Variants in LRRC1 observed in about 807,000 individuals in gnomAD.
The protein encoded by LRRC1 is leucine rich repeat containing 1.
LRRC1 carries 28 observed loss-of-function variants against 69.9 expected under a neutral mutation model. That is an observed-to-expected ratio of 0.40 (90% CI 0.30 to 0.55). LRRC1 has a LOEUF of 0.55. Among genes scored for constraint, LRRC1 ranks in the 20% least tolerant of loss-of-function variants. The pLI is 0.47. For missense variants in LRRC1, 498 were observed against 609.0 expected (o/e 0.82, Z 1.92); for synonymous variants, 236 against 240.2 (o/e 0.98, Z 0.16).
chr6:53,922,001 T>TA (rs1768755551), intron 13 of LRRC1, among the ~76,000 whole-genome samples: 1 of 152,246 alleles, frequency 6.6e-6, no homozygotes, highest in African/African-American at 2.4e-5. Context: ...CATGCTGTTT[T>TA]ATGAGCTAAA....
At chr6:53,828,979 A>G (rs1197092396) in intron 1 of LRRC1, among the ~76,000 whole-genome samples, 1 of 152,224 alleles carries the variant, frequency 6.6e-6, no homozygotes, top group Non-Finnish European at 1.5e-5. Context: ...TAATAGTAAT[A>G]ATTAAGGCTA....
chr6:53,919,335 C>A, intron 11 of LRRC1, 163 bp from the exon 12 acceptor site: 1 of 411,738 alleles, frequency 2.4e-6, no homozygotes, highest in Non-Finnish European at 4.0e-6. Flanking sequence ...AATCCACTTG[C>A]AAAGAGTATG....
At chr6:53,848,916 C>T (rs1026318552) in intron 2 of LRRC1, among the ~76,000 whole-genome samples, 1 of 152,096 alleles carries the variant, frequency 6.6e-6, no homozygotes, top group African/African-American at 2.4e-5. Flanking sequence ...TGCCACCAAG[C>T]CCGGCTAATT....
intron 2 of LRRC1, among the ~76,000 whole-genome samples, chr6:53,844,975 C>T (rs559845366): frequency 2.0e-5 from 3 of 152,206 alleles, no homozygotes; most frequent in South Asian, 2.1e-4. Context: ...GAGGCCAAGG[C>T]GGGGGGATCA....
At chr6:53,897,099 G>A in intron 6 of LRRC1, among the ~76,000 whole-genome samples, 186 bp from the exon 7 acceptor site, 1 of 152,290 alleles carries the variant, frequency 6.6e-6, no homozygotes, top group Non-Finnish European at 1.5e-5. Context: ...GACATAGGTG[G>A]AAACAACTGG....
At chr6:53,860,277 C>T (rs1461545349) in intron 2 of LRRC1, among the ~76,000 whole-genome samples, 1 of 152,164 alleles carries the variant, frequency 6.6e-6, no homozygotes, top group Non-Finnish European at 1.5e-5. Flanking sequence ...CATTCAATGG[C>T]AGAGCCAGAA....
At chr6:53,883,060 C>T in intron 4 of LRRC1, 84 bp downstream of exon 4, 1 of 788,636 alleles carries the variant, frequency 1.3e-6, no homozygotes, top group South Asian at 1.7e-5. Flanking sequence ...TTTTAAAGCT[C>T]CTATTTGTCT....
At chr6:53,898,681 C>T (rs1767951066) in intron 7 of LRRC1, among the ~76,000 whole-genome samples, 2 of 152,112 alleles carry the variant, frequency 1.3e-5, no homozygotes, top group South Asian at 4.1e-4. Flanking sequence ...GATACAAAGG[C>T]ATTGTTAAAA....
chr6:53,891,963 G>C (rs1010953291), intron 4 of LRRC1, among the ~76,000 whole-genome samples: 2 of 140,886 alleles, frequency 1.4e-5, no homozygotes, highest in Non-Finnish European at 3.0e-5. Context: ...CTGCACTCCA[G>C]CCTGGGTGAC....
intron 2 of LRRC1, among the ~76,000 whole-genome samples, chr6:53,851,134 C>G (rs1581873136): frequency 6.7e-6 from 1 of 149,508 alleles, no homozygotes; most frequent in South Asian, 2.1e-4. Flanking sequence ...ACACTCAAGC[C>G]TAGTTTATTA....
Position 53,824,470 on chromosome 6 carries a change from G to A in LRRC1, c.160-17640G>A, listed in dbSNP as rs149112548. ...TACTGTGTTGATAGTTTCTTTTGCT[G>A]TGCAGAAGCTGTTTGGTTTAATGAG... On this transcript the variant is annotated intron_variant, in intron 1 of 13. Transcript: ENST00000370888. Among the ~76,000 whole-genome samples, 420 of 152,164 alleles carry A rather than the reference G, an allele frequency of 2.8e-3. 3 individuals are homozygous for A. The highest frequency in any genetic ancestry group is 9.5e-3 in the African/African-American group (396 of 41,518).
At chr6:53,879,344 C>A (rs1767185146) in intron 3 of LRRC1, among the ~76,000 whole-genome samples, 1 of 152,144 alleles carries the variant, frequency 6.6e-6, no homozygotes, top group African/African-American at 2.4e-5. Flanking sequence ...ATTTCTGAAT[C>A]AATGTGAAGA....
intron 11 of LRRC1, among the ~76,000 whole-genome samples, chr6:53,917,889 C>T (rs1768617732): frequency 6.6e-6 from 1 of 152,228 alleles, no homozygotes; most frequent in Non-Finnish European, 1.5e-5. Flanking sequence ...CTGGCAAATA[C>T]ATGTTTTTAA....
At chr6:53,806,350 AT>A (rs1764635416) in intron 1 of LRRC1, among the ~76,000 whole-genome samples, 1 of 152,116 alleles carries the variant, frequency 6.6e-6, no homozygotes, top group Non-Finnish European at 1.5e-5. Flanking sequence ...GGATTTAGTA[AT>A]GGCTTTGAAC....
chr6:53,818,471 A>G (rs1248988732), intron 1 of LRRC1, among the ~76,000 whole-genome samples: 1 of 152,256 alleles, frequency 6.6e-6, no homozygotes, highest in Non-Finnish European at 1.5e-5. Flanking sequence ...ATTATGGTAC[A>G]TACATACTAT....
At chr6:53,836,218 T>G (rs1178350637) in intron 1 of LRRC1, among the ~76,000 whole-genome samples, 1 of 152,098 alleles carries the variant, frequency 6.6e-6, no homozygotes, top group Non-Finnish European at 1.5e-5. Flanking sequence ...ACTAGCCAAA[T>G]GTAGATGCAT....
In LRRC1 at chr6:53,922,557, G is replaced by A. The variant is rs1006548920; in HGVS notation, c.1417-78G>A. 12 of 1,278,998 alleles carry A rather than the reference G, an allele frequency of 9.4e-6. No homozygotes were observed. In the African/African-American group the frequency reaches 1.6e-4, roughly 17 times the overall value. 79.2% of individuals were successfully genotyped at this position (1,278,998 alleles called of 1,614,324 possible). A position where few individuals can be genotyped will look rare whatever the true frequency, so the allele number is the denominator to read the frequency against. On this transcript the variant is annotated intron_variant, in intron 13 of 13. Transcript: ENST00000370888. ...AAGAAGGTAACATTTGTATTGGAAT[G>A]CTAATGCCTTGAAGCTGCATGTTTT... is the stretch of plus-strand genomic sequence containing the variant.
At chr6:53,920,457 G>T (rs1032498742) in intron 12 of LRRC1, 168 bp from the exon 13 acceptor site, 5 of 567,600 alleles carry the variant, frequency 8.8e-6, no homozygotes, top group African/African-American at 5.6e-5. Context: ...TTTGAATTTT[G>T]TGTGTGTTTG....
chr6:53,859,287 C>T (rs1581879971), intron 2 of LRRC1, among the ~76,000 whole-genome samples: 1 of 152,194 alleles, frequency 6.6e-6, no homozygotes, highest in East Asian at 1.9e-4. Context: ...GCAGTTGTTT[C>T]TCCCAAGTGG....
Sources: gnomAD v4.1 joint callset for allele counts (sites outside exome capture counted in the v4.1 genomes callset) on GRCh38, gnomAD v4.1.1 for gene constraint, MANE v1.5 for transcripts, NCBI Gene and HGNC (gene_info 2026-07-23, HGNC 2026-07-21) for gene names.